Variants in HERC1 observed in about 807,000 individuals in gnomAD.
HERC1 encodes probable E3 ubiquitin-protein ligase HERC1.
Under a neutral mutation model 554.3 loss-of-function variants are expected in HERC1, and 160 were observed. The observed-to-expected ratio is 0.29, with a 90% CI of 0.25 to 0.33. HERC1 has a LOEUF of 0.33. HERC1 is among the 10% of genes least tolerant of loss of function. The pLI, the probability that HERC1 is intolerant of heterozygous loss-of-function variation, is 1.00. For missense variants in HERC1, 4,919 were observed against 5,918.5 expected (o/e 0.83, Z 5.54); for synonymous variants, 2,175 against 2,131.7 (o/e 1.02, Z -0.56).
chr15:63,636,320 G>C (rs2068776953), intron 64 of HERC1, among the ~76,000 whole-genome samples, 178 bp from the exon 65 acceptor site: 2 of 151,288 alleles, frequency 1.3e-5, no homozygotes, highest in African/African-American at 4.9e-5. Context: ...ATCCAGGCTG[G>C]AGTGCAGTGG....
intron 1 of HERC1, among the ~76,000 whole-genome samples, chr15:63,798,064 C>T (rs1162182663): frequency 6.6e-6 from 1 of 152,106 alleles, no homozygotes; most frequent in African/African-American, 2.4e-5. Flanking sequence ...ATGTCCAAGT[C>T]CCCAGCCCCA....
At chr15:63,658,845 G>T in intron 47 of HERC1, 127 bp from the exon 48 acceptor site, 1 of 626,164 alleles carries the variant, frequency 1.6e-6, no homozygotes, top group South Asian at 3.4e-5. Flanking sequence ...CTGGAACTTG[G>T]TTATACAGAA....
intron 14 of HERC1, 57 bp from the exon 15 acceptor site, chr15:63,729,706 A>G (rs779203921): frequency 1.9e-6 from 3 of 1,547,440 alleles, no homozygotes; most frequent in Non-Finnish European, 2.7e-6. Flanking sequence ...GAAAGTAACA[A>G]CCTACCATAA....
At chr15:63,768,953 G>C (rs1387008053) in intron 2 of HERC1, among the ~76,000 whole-genome samples, 3 of 152,146 alleles carry the variant, frequency 2.0e-5, no homozygotes, top group African/African-American at 7.2e-5. Flanking sequence ...AGAAAGAAGA[G>C]AAAATACTGG....
chr15:63,652,263 T>C, intron 52 of HERC1, 151 bp downstream of exon 52: 1 of 522,506 alleles, frequency 1.9e-6, no homozygotes, highest in Non-Finnish European at 3.1e-6. Context: ...TCCTGGAAAG[T>C]TAAAAATACA....
intron 18 of HERC1, among the ~76,000 whole-genome samples, 157 bp from the exon 19 acceptor site, chr15:63,723,512 AGGT>A (rs2073909398): frequency 6.6e-6 from 1 of 152,208 alleles, no homozygotes; most frequent in Admixed American, 6.5e-5. Flanking sequence ...TTTCAGTTGG[AGGT>A]AGTATCAACC....
intron 74 of HERC1, among the ~76,000 whole-genome samples, chr15:63,617,408 T>C (rs893798813): frequency 3.3e-5 from 5 of 152,226 alleles, no homozygotes; most frequent in Admixed American, 1.3e-4. Context: ...CAGTCTATCA[T>C]TGTTGGACAT....
chr15:63,694,831 A>G lies in HERC1; in HGVS notation c.5185T>C (p.Tyr1729His), dbSNP rs889834587. ...IEIQVAVHKIYQQLSATLERA... is the reference protein window; with the variant it reads ...IEIQVAVHKIHQQLSATLERA... ...TCCAGGGTAGCAGACAACTGTTGATAAATTTTATGCACAGCTACCTGGATT... is the reference window on the plus strand; with the variant it reads ...TCCAGGGTAGCAGACAACTGTTGATGAATTTTATGCACAGCTACCTGGATT... Residue 1729 changes from tyrosine to histidine, a missense_variant, in exon 28 of 78, where the codon TAT (tyrosine) becomes CAT (histidine). Transcript: ENST00000443617. The surrounding 1 kb of genome is among the most constrained non-coding windows in gnomAD (Gnocchi z 4.3). 3.7e-6 allele frequency: 6 copies of G among 1,613,766 alleles called. No homozygotes were observed. Among genetic ancestry groups the G allele is most frequent in the Non-Finnish European group, 4.2e-6 (5 of 1,179,806 alleles).
rs1341663540 is a variant in HERC1, at chr15:63,678,320, G to A, written c.6595C>T (p.Leu2199Phe). Residue 2199 changes from leucine (L) to phenylalanine (F), a missense_variant, in exon 37 of 78, where the codon CTT (leucine) becomes TTT (phenylalanine). Leu to Phe is a conservative substitution (Grantham distance 22). This residue lies in a region of HERC1 where 1,963 missense variants were observed against 2,228.6 expected (regional missense o/e 0.88). Coordinates refer to ENST00000443617, the MANE Select transcript of HERC1 (RefSeq NM_003922.4). ...GGACTACAAATAGGGTCTCCTGGAA[G>A]TAAGTCTCGGGGTGTGCCACGCATC... The part of the protein sequence containing the change: ...MQMRGTPRDL[L>F]PGDPICSPVA... The A allele has an allele frequency of 3.7e-6, 6 of 1,612,516 alleles. No homozygotes were observed. In the Admixed American group the frequency reaches 8.4e-5, roughly 22 times the overall value.
intron 33 of HERC1, among the ~76,000 whole-genome samples, chr15:63,688,487 T>A (rs1010284925): frequency 6.6e-6 from 1 of 152,182 alleles, no homozygotes; most frequent in Non-Finnish European, 1.5e-5. Flanking sequence ...AACTTGGGAA[T>A]CAAGTCTTAA....
intron 3 of HERC1, among the ~76,000 whole-genome samples, chr15:63,760,255 T>C (rs1258078643): frequency 2.0e-5 from 3 of 151,838 alleles, no homozygotes; most frequent in African/African-American, 7.3e-5. Context: ...GGAGGGAGTC[T>C]ATGGAGTTTA....
chr15:63,649,254 G>A (rs539566801), intron 54 of HERC1, among the ~76,000 whole-genome samples: 2 of 152,182 alleles, frequency 1.3e-5, no homozygotes, highest in African/African-American at 2.4e-5. Flanking sequence ...TTGGGAGGCT[G>A]AGGCAGGAGA....
rs1179709290 is a variant in HERC1, at chr15:63,694,560, AAG to A, written c.5243-13_5243-12del. 1.9e-6 allele frequency: 3 copies of A among 1,606,182 alleles called. No homozygotes were observed. Among genetic ancestry groups the A allele is most frequent in the Non-Finnish European group, 2.6e-6 (3 of 1,172,854 alleles). ...GACGTTGCTGGGCTTCTAAAAGACA[AAG>A]AGACAGTTAAGAATCTTCCTTTCAG... On this transcript the variant is annotated splice_polypyrimidine_tract_variant and intron_variant, in intron 28 of 77. Coordinates refer to ENST00000443617, the MANE Select transcript of HERC1 (RefSeq NM_003922.4). The surrounding 1 kb of genome is among the most constrained non-coding windows in gnomAD (Gnocchi z 4.3).
chr15:63,736,785 T>C (rs932564896), intron 12 of HERC1, among the ~76,000 whole-genome samples: 8 of 152,084 alleles, frequency 5.3e-5, no homozygotes, highest in African/African-American at 1.9e-4. Flanking sequence ...TTTTGTATTT[T>C]TAGTAGAGAT....
At chr15:63,648,250 T>A in intron 54 of HERC1, 51 bp from the exon 55 acceptor site, 7 of 1,529,364 alleles carry the variant, frequency 4.6e-6, no homozygotes, top group Non-Finnish European at 6.2e-6. Flanking sequence ...TTTGTCATTG[T>A]CTGACTTAAA....
chr15:63,664,824 G>C (rs1049910954), intron 42 of HERC1, among the ~76,000 whole-genome samples: 1 of 152,128 alleles, frequency 6.6e-6, no homozygotes, highest in Non-Finnish European at 1.5e-5. Context: ...ACAACAAAAT[G>C]ATGTTTAATG....
chr15:63,686,284 C>T (rs933748316), intron 34 of HERC1, 75 bp downstream of exon 34: 8 of 1,080,680 alleles, frequency 7.4e-6, no homozygotes, highest in Non-Finnish European at 1.1e-5. Flanking sequence ...AGTCTTTCTA[C>T]ACATTTATTA....
At chr15:63,698,252 C>T (rs117317564) in intron 26 of HERC1, among the ~76,000 whole-genome samples, 3,144 of 152,002 alleles carry the variant, frequency 0.021, 53 homozygotes, top group Non-Finnish European at 0.032. Flanking sequence ...TTTGTCTCTC[C>T]TAATAATACA....
intron 1 of HERC1, among the ~76,000 whole-genome samples, chr15:63,790,352 GC>G (rs1159002437): frequency 1.3e-5 from 2 of 152,180 alleles, no homozygotes; most frequent in Non-Finnish European, 2.9e-5. Context: ...GCCGAGGCGG[GC>G]GGATCACGAG....
Sources: gnomAD v4.1 joint callset for allele counts (sites outside exome capture counted in the v4.1 genomes callset) on GRCh38, gnomAD v4.1.1 for gene constraint, gnomAD v4.1.1 regional missense constraint, Gnocchi (gnomAD v3.1) non-coding constraint, MANE v1.5 for transcripts, NCBI Gene and HGNC (gene_info 2026-07-23, HGNC 2026-07-21) for gene names.